LOC400499: variants seen among roughly 807,000 people sequenced by gnomAD.
chr16:11,406,331 G>A, the LOC400499 span, among the ~76,000 whole-genome samples: 4 of 152,216 alleles, frequency 2.6e-5, no homozygotes, highest in East Asian at 5.8e-4. Flanking sequence ...TGCTGCAAAG[G>A]ACAGAATTTC....
chr16:11,440,553 T>G, the LOC400499 span, among the ~76,000 whole-genome samples: 1 of 152,148 alleles, frequency 6.6e-6, no homozygotes, highest in African/African-American at 2.4e-5. Flanking sequence ...ACAACAACAG[T>G]CAATGCATCC....
At chr16:11,490,392 T>G in the LOC400499 span, among the ~76,000 whole-genome samples, 1 of 117,702 alleles carries the variant, frequency 8.5e-6, no homozygotes, top group Non-Finnish European at 1.7e-5. Flanking sequence ...TGAGACTCTG[T>G]CTCGAAAAAA....
At chr16:11,470,634 G>T in the LOC400499 span, 1 of 152,298 alleles carries the variant, frequency 6.6e-6, no homozygotes, top group Non-Finnish European at 1.5e-5. Context: ...CTGCTGCGTG[G>T]AAGATGACTG....
the LOC400499 span, among the ~76,000 whole-genome samples, chr16:11,519,748 C>T: frequency 2.7e-5 from 4 of 150,846 alleles, no homozygotes; most frequent in East Asian, 7.7e-4. Flanking sequence ...TCTTGTTTTC[C>T]AGGCTGGAGT....
the LOC400499 span, among the ~76,000 whole-genome samples, chr16:11,386,554 T>TGAGGGGCTCCCCCAC: frequency 6.6e-6 from 1 of 152,078 alleles, no homozygotes; most frequent in African/African-American, 2.4e-5. Context: ...GGTTCCCCCA[T>TGAGGGGCTCCCCCAC]AGACATGAGG....
chr16:11,405,948 T>G, the LOC400499 span, among the ~76,000 whole-genome samples: 2 of 152,204 alleles, frequency 1.3e-5, no homozygotes, highest in Admixed American at 6.5e-5. Flanking sequence ...TGGCCATTCC[T>G]AAAACATGCA....
the LOC400499 span, among the ~76,000 whole-genome samples, chr16:11,376,855 C>G: frequency 6.6e-6 from 1 of 151,892 alleles, no homozygotes; most frequent in Non-Finnish European, 1.5e-5. Flanking sequence ...TATAACCGGT[C>G]TCTGGGACTC....
chr16:11,382,647 T>C, the LOC400499 span, among the ~76,000 whole-genome samples: 2 of 151,640 alleles, frequency 1.3e-5, no homozygotes, highest in African/African-American at 2.4e-5. Flanking sequence ...GTGGTGTACA[T>C]TCAAATCCCT....
the LOC400499 span, chr16:11,441,079 G>T: frequency 2.5e-6 from 1 of 399,028 alleles, no homozygotes; most frequent in African/African-American, 2.1e-5. Flanking sequence ...TTCTTAGCCT[G>T]GGTGTGTGAG....
the LOC400499 span, among the ~76,000 whole-genome samples, chr16:11,437,312 C>G: frequency 3.7e-4 from 56 of 152,266 alleles, no homozygotes; most frequent in African/African-American, 9.1e-4. Context: ...GTAACCCCAG[C>G]CCTTTGGAGA....
At chr16:11,374,648 G>A in the LOC400499 span, among the ~76,000 whole-genome samples, 4 of 152,250 alleles carry the variant, frequency 2.6e-5, no homozygotes, top group East Asian at 5.8e-4. Context: ...ATGTGGTAGC[G>A]TGTGTCAGAA....
chr16:11,392,757 C>T, the LOC400499 span: 4,539 of 983,760 alleles, frequency 4.6e-3, 22 homozygotes, highest in Admixed American at 6.8e-3. Flanking sequence ...TTTTGAGACA[C>T]CAAGGCAGGA....
the LOC400499 span, among the ~76,000 whole-genome samples, chr16:11,468,761 C>T: frequency 6.6e-6 from 1 of 152,018 alleles, no homozygotes; most frequent in Non-Finnish European, 1.5e-5. Context: ...CCAGGTAGCT[C>T]GGATTACAGG....
the LOC400499 span, among the ~76,000 whole-genome samples, chr16:11,469,863 G>A: frequency 2.6e-5 from 4 of 152,134 alleles, no homozygotes; most frequent in Admixed American, 6.5e-5. Context: ...AGGGAGAAGC[G>A]GCTGCGGTGC....
chr16:11,402,886 G>T, the LOC400499 span, among the ~76,000 whole-genome samples: 1 of 152,110 alleles, frequency 6.6e-6, no homozygotes, highest in African/African-American at 2.4e-5. Context: ...CCCTCTCGGG[G>T]GCCTCACATG....
At chr16:11,436,358 G>T in the LOC400499 span, among the ~76,000 whole-genome samples, 1 of 152,128 alleles carries the variant, frequency 6.6e-6, no homozygotes, top group Non-Finnish European at 1.5e-5. Flanking sequence ...TACCCAAGTG[G>T]TCAGGCTGGG....
At chr16:11,405,143 ATT>A in the LOC400499 span, among the ~76,000 whole-genome samples, 1 of 152,184 alleles carries the variant, frequency 6.6e-6, no homozygotes, top group Non-Finnish European at 1.5e-5. Context: ...GGCTCTGGGC[ATT>A]TTTCAACCTC....
At chr16:11,380,581 C>T in the LOC400499 span, among the ~76,000 whole-genome samples, 1 of 152,088 alleles carries the variant, frequency 6.6e-6, no homozygotes, top group Non-Finnish European at 1.5e-5. Flanking sequence ...TCATAATATG[C>T]CTTTATTTTG....
chr16:11,457,862 C>T, the LOC400499 span, among the ~76,000 whole-genome samples: 33 of 152,062 alleles, frequency 2.2e-4, no homozygotes, highest in Admixed American at 7.2e-4. Context: ...ACACATGCTA[C>T]GATATGGATG....
Sources: gnomAD v4.1 joint callset for allele counts (sites outside exome capture counted in the v4.1 genomes callset) on GRCh38, gnomAD v4.1.1 for gene constraint, MANE v1.5 for transcripts.